KANK1: variants seen among roughly 807,000 people sequenced by gnomAD.
The protein encoded by KANK1 is KN motif and ankyrin repeat domains 1, also known as KN motif and ankyrin repeat domain-containing protein 1.
KANK1 carries 109 observed loss-of-function variants against 106.2 expected under a neutral mutation model. The ratio of observed to expected loss-of-function variants is 1.03; its 90% CI spans 0.88 to 1.20. KANK1 has a LOEUF of 1.20. KANK1 is among the 50% of genes most tolerant of loss of function. KANK1 has a pLI of 0.00. For synonymous variants in KANK1, 873 were observed against 652.2 expected (o/e 1.34, Z -5.16); for missense variants, 2,399 against 1,710.7 (o/e 1.40, Z -7.10).
At chr9:491,910 C>G (rs2058383299) in intron 3 of KANK1, among the ~76,000 whole-genome samples, 1 of 152,194 alleles carries the variant, frequency 6.6e-6, no homozygotes, top group South Asian at 2.1e-4. Flanking sequence ...CTCTCTTTGC[C>G]TGGTGCCATC....
intron 2 of KANK1, among the ~76,000 whole-genome samples, chr9:694,238 G>A (rs888519159): frequency 2.0e-5 from 3 of 152,054 alleles, no homozygotes; most frequent in Non-Finnish European, 4.4e-5. Flanking sequence ...ACCTCCCCCT[G>A]GCCAAAAAAC....
intron 1 of KANK1, among the ~76,000 whole-genome samples, chr9:589,019 G>T (rs115736128): frequency 6.6e-6 from 1 of 151,672 alleles, no homozygotes; most frequent in East Asian, 1.9e-4. Flanking sequence ...TTGAAGCATT[G>T]TTAGTGTTAA....
chr9:516,564 G>C lies in KANK1; in HGVS notation c.-84+11810G>C, dbSNP rs534402744. On this transcript the variant is annotated intron_variant, in intron 1 of 11. Transcript: ENST00000382297. ...GAGTCAGTGGGGAGGGAAGGGGAGCGGTTTTGGCTGTAGAGTGGGATCTGA... is the reference window on the plus strand; with the variant it reads ...GAGTCAGTGGGGAGGGAAGGGGAGCCGTTTTGGCTGTAGAGTGGGATCTGA... Among the ~76,000 whole-genome samples the C allele has an allele frequency of 1.1e-4, 16 of 151,642 alleles. 1 individual carries two copies. Among genetic ancestry groups the C allele is most frequent in the African/African-American group, 3.4e-4 (14 of 41,020 alleles).
chr9:730,114 A>C lies in KANK1; in HGVS notation c.2762A>C (p.Gln921Pro). The change falls in exon 4 of 12, where the codon CAG (glutamine) becomes CCG (proline). Residue 921 changes from glutamine (Q) to proline (P), a missense_variant. By Grantham distance (76) the Gln-to-Pro change is moderately conservative (BLOSUM62 -1). Coordinates refer to ENST00000382297, the MANE Select transcript of KANK1 (RefSeq NM_015158.5). The part of the protein sequence containing the change: ...GLQSGSPLSS[Q>P]TSQPEQEVGT... ...CAGTCAGGAAGTCCCTTAAGCTCCCAGACATCCCAGCCTGAGCAAGAAGTG... is the reference window on the plus strand; with the variant it reads ...CAGTCAGGAAGTCCCTTAAGCTCCCCGACATCCCAGCCTGAGCAAGAAGTG... 6.2e-7 allele frequency: 1 copy of C among 1,614,204 alleles called. No individual in the cohort carries two copies. The highest frequency in any genetic ancestry group is 2.2e-5 in the East Asian group (1 of 44,878).
intron 1 of KANK1, among the ~76,000 whole-genome samples, chr9:574,171 C>G (rs984058558): frequency 6.6e-6 from 1 of 152,242 alleles, no homozygotes; most frequent in East Asian, 1.9e-4. Flanking sequence ...CTCGCACCCA[C>G]TCTTCCCTTA....
chr9:574,993 G>A (rs1820173902), intron 1 of KANK1, among the ~76,000 whole-genome samples: 1 of 151,924 alleles, frequency 6.6e-6, no homozygotes, highest in South Asian at 2.1e-4. Context: ...CATCTTCTCA[G>A]GTTATTCTGA....
chr9:741,999 C>G (rs1476089248), intron 9 of KANK1, among the ~76,000 whole-genome samples: 1 of 152,224 alleles, frequency 6.6e-6, no homozygotes, highest in South Asian at 2.1e-4. Flanking sequence ...ATGAAGTTGG[C>G]TCCTTACTTT....
chr9:471,058 C>G (rs2058010779), intron 2 of KANK1: 1 of 152,224 alleles, frequency 6.6e-6, no homozygotes, highest in African/African-American at 2.4e-5. Flanking sequence ...TGCATTGTCA[C>G]TGGGAAATAA....
intron 3 of KANK1, among the ~76,000 whole-genome samples, chr9:490,937 CTA>C (rs1263166954): frequency 3.4e-5 from 5 of 147,946 alleles, no homozygotes; most frequent in South Asian, 4.3e-4. Context: ...AAAGATGAGA[CTA>C]TGTGAAGGGC....
At chr9:705,974 T>C (rs549371241) in intron 2 of KANK1, among the ~76,000 whole-genome samples, 1 of 152,230 alleles carries the variant, frequency 6.6e-6, no homozygotes, top group Non-Finnish European at 1.5e-5. Flanking sequence ...AAAAAGTGTT[T>C]TCGTCTTGTT....
chr9:630,271 G>T (rs903299362), intron 1 of KANK1, among the ~76,000 whole-genome samples: 2 of 151,160 alleles, frequency 1.3e-5, no homozygotes, highest in Admixed American at 6.6e-5. Flanking sequence ...AAAACGAGTT[G>T]GGGGGCAGGC....
Position 524,304 on chromosome 9 carries a change from G to T in KANK1, c.-84+19550G>T, listed in dbSNP as rs556067467. Among the ~76,000 whole-genome samples, 146 of 146,600 alleles carry T rather than the reference G, an allele frequency of 1.0e-3. 5 individuals are homozygous for T. The highest frequency in any genetic ancestry group is 3.6e-3 in the African/African-American group (142 of 39,572). Reference sequence around the variant, plus strand: ...TTAAGTCGTTCTGTAGTTTTTTGTTGTTTTTTTTTTCTTGACAATAACTCT... The same window carrying T: ...TTAAGTCGTTCTGTAGTTTTTTGTTTTTTTTTTTTTCTTGACAATAACTCT... On this transcript the variant is annotated intron_variant, in intron 1 of 11. Coordinates refer to ENST00000382297, the MANE Select transcript of KANK1 (RefSeq NM_015158.5).
chr9:511,279 G>T (rs1198998267), intron 1 of KANK1, among the ~76,000 whole-genome samples: 1 of 152,158 alleles, frequency 6.6e-6, no homozygotes, highest in Non-Finnish European at 1.5e-5. Flanking sequence ...ATAATACCAT[G>T]GTCAGTCATA....
intron 3 of KANK1, among the ~76,000 whole-genome samples, chr9:481,687 C>T (rs928226642): frequency 7.2e-5 from 11 of 152,030 alleles, no homozygotes; most frequent in Admixed American, 7.2e-4. Flanking sequence ...ATAGGCAAGG[C>T]TTGAGTGGGG....
intron 1 of KANK1, among the ~76,000 whole-genome samples, chr9:577,476 CAG>C (rs147239176): frequency 0.02 from 2,999 of 152,284 alleles, 112 homozygotes; most frequent in African/African-American, 0.068. Context: ...TAGCTAGACA[CAG>C]AGTGCTAATT....
At chr9:716,641 A>G (rs1170231268) in intron 3 of KANK1, among the ~76,000 whole-genome samples, 1 of 152,204 alleles carries the variant, frequency 6.6e-6, no homozygotes, top group African/African-American at 2.4e-5. Flanking sequence ...CATTTCTCCT[A>G]GAGTTGAAGA....
At chr9:648,757 T>C (rs1196811007) in intron 1 of KANK1, among the ~76,000 whole-genome samples, 2 of 152,168 alleles carry the variant, frequency 1.3e-5, no homozygotes, top group Admixed American at 6.5e-5. Context: ...TTGAAGCTTA[T>C]CTAAGACAAT....
chr9:572,905 A>C (rs1819576556), intron 1 of KANK1, among the ~76,000 whole-genome samples: 1 of 152,218 alleles, frequency 6.6e-6, no homozygotes. Flanking sequence ...CAAGTGATCC[A>C]TTTAGGACTT....
chr9:631,873 G>T (rs1225070396), intron 1 of KANK1, among the ~76,000 whole-genome samples: 1 of 152,154 alleles, frequency 6.6e-6, no homozygotes, highest in Admixed American at 6.5e-5. Context: ...GGTGTCCTCA[G>T]ATAACCCTTC....
Sources: allele counts gnomAD v4.1 joint callset (sites outside exome capture counted in the v4.1 genomes callset), GRCh38; gene constraint gnomAD v4.1.1; transcripts MANE v1.5; gene names NCBI Gene and HGNC (gene_info 2026-07-23, HGNC 2026-07-21).